Variants in DST observed in about 807,000 individuals in gnomAD.
DST encodes dystonin, also known as bullous pemphigoid antigen.
In DST, 253 loss-of-function variants were observed where a neutral mutation model predicts 875.2. The observed-to-expected ratio is 0.29, with a 90% CI of 0.26 to 0.32. The LOEUF (loss-of-function observed/expected upper bound fraction) is 0.32. Among genes scored for constraint, DST ranks in the 10% least tolerant of loss-of-function variants. The pLI is 1.00. For missense variants in DST, 8,287 were observed against 9,111.6 expected, an observed-to-expected ratio of 0.91 and a Z score of 3.68; for synonymous variants, 3,124 against 3,197.1, an observed-to-expected ratio of 0.98 and a Z score of 0.77.
chr6:56,702,744 G>A (rs2099315163), intron 7 of DST, among the ~76,000 whole-genome samples: 1 of 152,156 alleles, frequency 6.6e-6, no homozygotes, highest in Non-Finnish European at 1.5e-5. Flanking sequence ...AGGAAACAGA[G>A]CTGAGAAATG....
Position 56,618,142 on chromosome 6 carries a change from G to C in DST, c.4930-3658C>G, listed in dbSNP as rs146263203. On this transcript the variant is annotated intron_variant, in intron 36 of 103. Coordinates refer to ENST00000680361, the MANE Select transcript of DST (RefSeq NM_001374736.1). The stretch of plus-strand genomic sequence containing the variant: ...TCTCATCAAAAGTTATCTGTAACTC[G>C]GTGCTTGTCTGAGAAAAGTACTCAG... 6.2e-7 allele frequency: 1 copy of C among 1,614,032 alleles called. No individual in the cohort carries two copies. The highest frequency in any genetic ancestry group is 8.5e-7 in the Non-Finnish European group (1 of 1,180,002).
At chr6:56,555,928 A>G in intron 59 of DST, 88 bp from the exon 60 acceptor site, 1 of 1,288,630 alleles carries the variant, frequency 7.8e-7, no homozygotes, top group Non-Finnish European at 1.0e-6. Context: ...CAGAAATGGT[A>G]ATTATTTCTC....
Position 56,606,659 on chromosome 6 carries a change from C to T in DST, c.7969G>A (p.Val2657Ile). ...ENDETASPAD[V>I]FYDVSKENEN... ...TTCTCTTTTGAGACATCATAAAAAA[C>T]ATCAGCAGGAGAAGCCGTCTCATCA... The change falls in exon 40 of 104, where the codon GTT (valine) becomes ATT (isoleucine). Residue 2657 changes from valine to isoleucine, a missense_variant. Physicochemically the swap from Val to Ile is conservative, Grantham distance 29. This residue lies in a region of DST where 3,138 missense variants were observed against 3,116.6 expected (regional missense o/e 1.01). Transcript: ENST00000680361. The T allele has an allele frequency of 1.2e-6, 2 of 1,613,626 alleles. No individual in the cohort carries two copies. The highest frequency in any genetic ancestry group is 1.7e-6 in the Non-Finnish European group (2 of 1,179,642).
Position 56,568,517 on chromosome 6 carries a change from T to A in DST, c.13957A>T (p.Ile4653Leu), listed in dbSNP as rs755211581. The A allele has an allele frequency of 6.2e-7, 1 of 1,612,550 alleles. No homozygotes were observed. Among genetic ancestry groups the A allele is most frequent in the Admixed American group, 1.7e-5 (1 of 59,810 alleles). Residue 4653 changes from isoleucine (I) to leucine (L), a missense_variant, in exon 55 of 104, where the codon ATA becomes TTA. By Grantham distance (5) the Ile-to-Leu change is conservative. This residue lies in a region of DST where 1,513 missense variants were observed against 1,677.8 expected (regional missense o/e 0.90). Coordinates refer to ENST00000680361, the MANE Select transcript of DST (RefSeq NM_001374736.1). ...NNSGISLCNLISAVTTPAKAI... is the reference protein window; with the variant it reads ...NNSGISLCNLLSAVTTPAKAI... ...TTTGCAGGGGTGGTCACAGCACTTA[T>A]TAAGTTACATAGTGAGATCCCACTG...
chr6:56,756,046 G>A (rs1337137237), intron 4 of DST, among the ~76,000 whole-genome samples: 1 of 152,208 alleles, frequency 6.6e-6, no homozygotes, highest in African/African-American at 2.4e-5. Flanking sequence ...GTAGGAGAAA[G>A]ACGACGGAGT....
chr6:56,497,321 A>G (rs1275462905), intron 82 of DST, 58 bp downstream of exon 82: 3 of 1,584,268 alleles, frequency 1.9e-6, no homozygotes, highest in South Asian at 2.3e-5. Flanking sequence ...GCCAGGGCCC[A>G]TATAACATGG....
chr6:56,685,405 C>G (rs1266444530), intron 9 of DST, among the ~76,000 whole-genome samples: 1 of 152,144 alleles, frequency 6.6e-6, no homozygotes, highest in East Asian at 1.9e-4. Context: ...AAAAAATGCT[C>G]AATATCACCG....
chr6:56,618,204 C>T (rs1456317457), intron 36 of DST: 5 of 1,614,026 alleles, frequency 3.1e-6, no homozygotes, highest in East Asian at 2.2e-5. Flanking sequence ...TCGAGTGGAG[C>T]CCCTGGTGGC....
Position 56,606,756 on chromosome 6 carries a change from A to C in DST, c.7872T>G (p.Asp2624Glu), listed in dbSNP as rs2098501976. The C allele has an allele frequency of 6.2e-7, 1 of 1,613,440 alleles. No homozygotes were observed. Among genetic ancestry groups the C allele is most frequent in the Admixed American group, 1.7e-5 (1 of 59,922 alleles). ...DTPLFEDDDH[D>E]SLLLDGDDRD... ...GATCATCACCATCAAGAAGCAAAGA[A>C]TCATGGTCATCATCTTCAAACAAGG... The change falls in exon 40 of 104, where the codon GAT becomes GAG. Residue 2624 changes from aspartate to glutamate, a missense_variant. By Grantham distance (45) the Asp-to-Glu change is conservative. Transcript: ENST00000680361.
At chr6:56,715,760 A>G (rs2099392513) in intron 5 of DST, among the ~76,000 whole-genome samples, 1 of 152,176 alleles carries the variant, frequency 6.6e-6, no homozygotes, top group South Asian at 2.1e-4. Flanking sequence ...AATAAGACAA[A>G]TGAAGTTCTG....
intron 69 of DST, among the ~76,000 whole-genome samples, chr6:56,522,698 A>C (rs564588952): frequency 1.3e-5 from 2 of 152,208 alleles, no homozygotes; most frequent in Admixed American, 1.3e-4. Context: ...CCACCAATCC[A>C]AGGGCCTTTC....
At chr6:56,638,901 A>G in intron 22 of DST, 1 of 329,382 alleles carries the variant, frequency 3.0e-6, no homozygotes, top group South Asian at 3.1e-5. Context: ...ATTAGAGGTA[A>G]TCTCTCCCAT....
intron 2 of DST, among the ~76,000 whole-genome samples, chr6:56,929,806 C>T (rs1378365128): frequency 6.6e-6 from 1 of 151,888 alleles, no homozygotes; most frequent in African/African-American, 2.4e-5. Context: ...CTATATAAAA[C>T]GTATAGAAAA....
chr6:56,923,408 A>AT (rs35848670), intron 2 of DST, among the ~76,000 whole-genome samples: 1 of 137,844 alleles, frequency 7.3e-6, no homozygotes, highest in South Asian at 2.5e-4. Flanking sequence ...GGGAATTTTG[A>AT]TTTTTTTCCC....
At chr6:56,820,457 AG>A (rs1380983432) in intron 4 of DST, among the ~76,000 whole-genome samples, 1 of 152,220 alleles carries the variant, frequency 6.6e-6, no homozygotes, top group Non-Finnish European at 1.5e-5. Context: ...CCAACAACAA[AG>A]ATAATAAATA....
At chr6:56,596,579 G>A (rs1406926754) in intron 47 of DST, among the ~76,000 whole-genome samples, 1 of 152,024 alleles carries the variant, frequency 6.6e-6, no homozygotes, top group African/African-American at 2.4e-5. Context: ...TCATAATAAG[G>A]TCCTATAATA....
rs187513062 is a variant in DST at position 56,941,256 on chromosome 6, A to C, written c.216+12529T>G. Among the ~76,000 whole-genome samples, 24 of 152,274 alleles carry C rather than the reference A, an allele frequency of 1.6e-4. 1 individual carries two copies. In the East Asian group the frequency reaches 4.4e-3, roughly 28 times the overall value. On this transcript the variant is annotated intron_variant, in intron 2 of 103. Coordinates refer to ENST00000680361, the MANE Select transcript of DST (RefSeq NM_001374736.1). ...AGATACTGTGTTTTCATTATCATTT[A>C]GTTTAAAATATTTTTAAATTTCCTT...
At chr6:56,503,453 T>G (rs965310400) in intron 78 of DST, among the ~76,000 whole-genome samples, 1 of 151,904 alleles carries the variant, frequency 6.6e-6, no homozygotes, top group Admixed American at 6.6e-5. Context: ...ATTAAAAATA[T>G]CAGGAAAAGA....
chr6:56,691,973 ACAGTATC>A (rs2099233488), intron 9 of DST, among the ~76,000 whole-genome samples: 1 of 152,228 alleles, frequency 6.6e-6, no homozygotes, highest in African/African-American at 2.4e-5. Flanking sequence ...TGATAATTTT[ACAGTATC>A]CTATTATTTG....
Sources: allele counts gnomAD v4.1 joint callset (sites outside exome capture counted in the v4.1 genomes callset), GRCh38; gene constraint gnomAD v4.1.1; regional missense constraint gnomAD v4.1.1; transcripts MANE v1.5; gene names NCBI Gene and HGNC (gene_info 2026-07-23, HGNC 2026-07-21).